ASCC2: variants seen among roughly 807,000 people sequenced by gnomAD.
The protein encoded by ASCC2 is activating signal cointegrator 1 complex subunit 2, also known as ASC-1 complex subunit P100.
A neutral mutation model predicts 93.5 loss-of-function variants in ASCC2; 42 were observed. The ratio of observed to expected loss-of-function variants is 0.45; its 90% CI spans 0.35 to 0.58. ASCC2 has a LOEUF of 0.58. ASCC2 is among the 20% of genes least tolerant of loss of function. The pLI is 0.00. For synonymous variants in ASCC2, 364 were observed against 384.2 expected, an observed-to-expected ratio of 0.95 and a Z score of 0.62; for missense variants, 859 against 977.6, an observed-to-expected ratio of 0.88 and a Z score of 1.62.
intron 2 of ASCC2, among the ~76,000 whole-genome samples, chr22:29,829,186 T>C (rs62227984): frequency 1.3e-5 from 2 of 151,796 alleles, no homozygotes; most frequent in Non-Finnish European, 2.9e-5. Context: ...AAAAAAAAAT[T>C]CCCTTTCTTT....
chr22:29,796,126 T>G (rs990691087), intron 15 of ASCC2, among the ~76,000 whole-genome samples: 11 of 151,626 alleles, frequency 7.3e-5, no homozygotes, highest in Non-Finnish European at 1.6e-4. Context: ...TTTTTTTTTT[T>G]GAGACGGACT....
chr22:29,832,333 C>T lies in ASCC2; in HGVS notation c.-8G>A, dbSNP rs559744630. On this transcript the variant is annotated 5_prime_UTR_variant, in exon 2 of 20. Coordinates refer to ENST00000307790, the MANE Select transcript of ASCC2 (RefSeq NM_032204.5). ...CAGGGGCAGAGCTGGCATTGTGCTG[C>T]GTGACCCTCCTGAAAGGAATATGGA... The T allele has an allele frequency of 1.2e-5, 19 of 1,611,148 alleles. No individual in the cohort carries two copies. Among genetic ancestry groups the T allele is most frequent in the Admixed American group, 5.0e-5 (3 of 59,936 alleles).
intron 12 of ASCC2, 70 bp from the exon 13 acceptor site, chr22:29,804,900 C>T (rs2059503044): frequency 6.5e-7 from 1 of 1,529,020 alleles, no homozygotes; most frequent in Non-Finnish European, 9.0e-7. Context: ...TCAGTCCCTC[C>T]CCAGCATCTG....
chr22:29,814,689 C>T lies in ASCC2; in HGVS notation c.688G>A (p.Gly230Ser). 6.2e-7 allele frequency: 1 copy of T among 1,605,592 alleles called. No homozygotes were observed. The highest frequency in any genetic ancestry group is 8.5e-7 in the Non-Finnish European group (1 of 1,176,764). Residue 230 changes from glycine (G) to serine (S), a missense_variant, in exon 7 of 20, where the codon GGC (glycine) becomes AGC (serine). Transcript: ENST00000307790. ...GGCATGTCACTGGGGGTCAATCGGCCCCTCTCCTCAAGCTTCTGGGGTGTG... is the reference window on the plus strand; with the variant it reads ...GGCATGTCACTGGGGGTCAATCGGCTCCTCTCCTCAAGCTTCTGGGGTGTG... ...NTTPQKLEER[G>S]RLTPSDMPLL... is the part of the protein sequence containing the mutation.
At position 29,825,954 on chromosome 22, in the gene ASCC2, C is replaced by T; in HGVS notation, c.82-174G>A. On this transcript the variant is annotated intron_variant, in intron 2 of 19. Coordinates refer to ENST00000307790, the MANE Select transcript of ASCC2 (RefSeq NM_032204.5). The surrounding 1 kb of genome is among the most constrained non-coding windows in gnomAD (Gnocchi z 4.9). ...AGAGGGCATGGTTGCATTCAGCGAA[C>T]ACTAGGCGGTAATTAAAATCCATGT... 2 of 623,750 alleles carry T rather than the reference C, an allele frequency of 3.2e-6. No individual in the cohort carries two copies. The highest frequency in any genetic ancestry group is 3.4e-5 in the Admixed American group (1 of 29,038). The allele number at this position is 623,750 out of a possible 1,614,324, so 38.6% of individuals were successfully genotyped here.
At chr22:29,790,686 C>G in intron 18 of ASCC2, 138 bp from the exon 19 acceptor site, 1 of 864,566 alleles carries the variant, frequency 1.2e-6, no homozygotes, top group Non-Finnish European at 1.9e-6. Flanking sequence ...GGCAGAGCGA[C>G]GCCCAGGAAT....
At position 29,814,715 on chromosome 22, in the gene ASCC2, G is replaced by C. The variant is rs773420281; in HGVS notation, c.662C>G (p.Thr221Ser). Residue 221 changes from threonine to serine, a missense_variant, in exon 7 of 20, where the codon ACC becomes AGC. Thr to Ser is a moderately conservative substitution (Grantham distance 58). Transcript: ENST00000307790. ...HCGLQGDGAN[T>S]TPQKLEERGR... ...CCTCTCCTCAAGCTTCTGGGGTGTG[G>C]TATTGGCCCCGTCCCCTTGCAAACC... The C allele has an allele frequency of 1.2e-6, 2 of 1,609,128 alleles. No individual in the cohort carries two copies. The highest frequency in any genetic ancestry group is 1.7e-6 in the Non-Finnish European group (2 of 1,177,998).
intron 2 of ASCC2, among the ~76,000 whole-genome samples, chr22:29,829,496 G>A (rs2062850178): frequency 6.6e-6 from 1 of 152,110 alleles, no homozygotes; most frequent in Non-Finnish European, 1.5e-5. Context: ...GCCAAGGCGG[G>A]CGGATCACAA....
rs2059426223 is a variant in ASCC2, at chr22:29,804,326, AGAG to A, written c.1353+309_1353+311del. ...AAAGGAGCTCCACTTTTATCTATTT[AGAG>A]GAGAGCTCCGGGAAGGGCTCATGGA... On this transcript the variant is annotated intron_variant, in intron 13 of 19. Coordinates refer to ENST00000307790, the MANE Select transcript of ASCC2 (RefSeq NM_032204.5). 5.9e-5 allele frequency among the ~76,000 whole-genome samples: 9 copies of A among 151,814 alleles called. No homozygotes were observed. In the South Asian group the frequency reaches 1.7e-3, roughly 28 times the overall value.
At chr22:29,794,024 G>A (rs551445375) in intron 15 of ASCC2, among the ~76,000 whole-genome samples, 1 of 151,558 alleles carries the variant, frequency 6.6e-6, no homozygotes, top group South Asian at 2.1e-4. Context: ...TCAGCCTCCC[G>A]TGTAGCTGGG....
Position 29,808,125 on chromosome 22 carries a change from C to A in ASCC2, c.894G>T (p.Arg298Ser). The change falls in exon 9 of 20, where the codon AGG (arginine) becomes AGT (serine). Residue 298 changes from arginine (R) to serine (S), a missense_variant. Transcript: ENST00000307790. ...PEMESAIKKR[R>S]LEDSKLLGDL... ...CCCCGCCTCACTTGCTATCTTCAAG[C>A]CTCCTCTTCTTAATTGCAGACTCCA... 1 of 1,614,238 alleles carries A rather than the reference C, an allele frequency of 6.2e-7. No homozygotes were observed. Among genetic ancestry groups the A allele is most frequent in the Non-Finnish European group, 8.5e-7 (1 of 1,180,046 alleles).
intron 15 of ASCC2, among the ~76,000 whole-genome samples, chr22:29,795,653 T>C (rs2058340358): frequency 1.3e-5 from 2 of 152,194 alleles, no homozygotes; most frequent in Admixed American, 6.5e-5. Flanking sequence ...CCAACTCTGG[T>C]CACGTTACAG....
At chr22:29,826,020 A>G (rs907819583) in intron 2 of ASCC2, 2 of 429,848 alleles carry the variant, frequency 4.7e-6, no homozygotes, top group African/African-American at 2.0e-5. Flanking sequence ...GGTTAAGGGA[A>G]GAGAAAGCAG....
intron 15 of ASCC2, among the ~76,000 whole-genome samples, chr22:29,794,328 C>G (rs1265643171): frequency 2.0e-5 from 3 of 152,004 alleles, no homozygotes; most frequent in Non-Finnish European, 4.4e-5. Flanking sequence ...CCCGTCTCTA[C>G]TAAAAATACA....
intron 9 of ASCC2, among the ~76,000 whole-genome samples, chr22:29,807,366 C>G (rs2059802475): frequency 6.6e-6 from 1 of 152,012 alleles, no homozygotes; most frequent in Non-Finnish European, 1.5e-5. Context: ...CTGCTGAGAG[C>G]AGCTGGCAAA....
At chr22:29,807,982 T>C in intron 9 of ASCC2, 129 bp downstream of exon 9, 1 of 846,998 alleles carries the variant, frequency 1.2e-6, no homozygotes, top group Non-Finnish European at 1.9e-6. Flanking sequence ...ATGCAGAAGC[T>C]CAAAGCTGCA....
In ASCC2 at chr22:29,802,073, C is replaced by A. The variant is rs758587434; in HGVS notation, c.1489G>T (p.Asp497Tyr). Residue 497 changes from aspartate (D) to tyrosine (Y), a missense_variant, in exon 14 of 20, where the codon GAC (aspartate) becomes TAC (tyrosine). By Grantham distance (160) the Asp-to-Tyr change is radical. Transcript: ENST00000307790. ...ILACLEYYHY[D>Y]PEQVINNILE... ...ATATTGTTGATCACCTGCTCTGGGT[C>A]GTAGTGGTAGTACTCCAGGCAGGCC... 3.1e-6 allele frequency: 5 copies of A among 1,614,126 alleles called. No homozygotes were observed. Among genetic ancestry groups the A allele is most frequent in the Non-Finnish European group, 4.2e-6 (5 of 1,180,010 alleles).
chr22:29,804,925 G>A lies in ASCC2; in HGVS notation c.1161-95C>T. 5 of 1,378,352 alleles carry A rather than the reference G, an allele frequency of 3.6e-6. No individual in the cohort carries two copies. In the South Asian group the frequency reaches 6.5e-5, roughly 18 times the overall value. 85.4% of individuals were successfully genotyped at this position (1,378,352 alleles called of 1,614,324 possible). A position where few individuals can be genotyped will look rare whatever the true frequency, so the allele number is the denominator to read the frequency against. On this transcript the variant is annotated intron_variant, in intron 12 of 19. Transcript: ENST00000307790. ...CCCAGCATCTGACCACATGGTTCCT[G>A]CCAGGGGCTTTCTGGGCTATATCTA...
intron 1 of ASCC2, chr22:29,834,344 G>A (rs2148421832): frequency 5.4e-6 from 2 of 370,486 alleles, no homozygotes; most frequent in Non-Finnish European, 1.1e-5. Flanking sequence ...GGTGCCCCAG[G>A]CAGAGGAAAC....
Sources: gnomAD v4.1 joint callset for allele counts (sites outside exome capture counted in the v4.1 genomes callset) on GRCh38, gnomAD v4.1.1 for gene constraint, Gnocchi (gnomAD v3.1) non-coding constraint, MANE v1.5 for transcripts, NCBI Gene and HGNC (gene_info 2026-07-23, HGNC 2026-07-21) for gene names.